Variants in RIMS2 observed in about 807,000 individuals in gnomAD.
RIMS2 encodes the protein regulating synaptic membrane exocytosis protein 2.
RIMS2 carries 59 observed loss-of-function variants against 174.4 expected under a neutral mutation model. That is an observed-to-expected ratio of 0.34 (90% CI 0.27 to 0.42). The LOEUF (loss-of-function observed/expected upper bound fraction) is 0.42, where lower values mean the gene tolerates loss of function less well. Ranked by LOEUF, RIMS2 falls within the 10% of genes least tolerant of loss-of-function variation. The pLI is 1.00. For synonymous variants in RIMS2, 606 were observed against 572.5 expected (o/e 1.06, Z -0.84); for missense variants, 1,620 against 1,666.3 (o/e 0.97, Z 0.48).
rs570354431 is a variant in RIMS2 at position 103,658,547 on chromosome 8, A to G, written c.177-38539A>G. ...CAGGAGTCATTAGCTGTTTTTTTCCAAAGATCATCTGCTTCTGGAAGCTTC... is the reference window on the plus strand; with the variant it reads ...CAGGAGTCATTAGCTGTTTTTTTCCGAAGATCATCTGCTTCTGGAAGCTTC... On this transcript the variant is annotated intron_variant, in intron 1 of 23. Transcript: ENST00000504942. Among the ~76,000 whole-genome samples the G allele has an allele frequency of 6.0e-4, 92 of 152,262 alleles. No homozygotes were observed. In the Middle Eastern group the frequency reaches 0.024, roughly 39 times the overall value.
At chr8:103,551,721 C>T (rs1332988537) in intron 1 of RIMS2, among the ~76,000 whole-genome samples, 1 of 152,176 alleles carries the variant, frequency 6.6e-6, no homozygotes, top group Non-Finnish European at 1.5e-5. Flanking sequence ...AGCCCCAAAT[C>T]TCCTTAAGCT....
intron 4 of RIMS2, among the ~76,000 whole-genome samples, chr8:103,900,441 A>AAGAAT (rs1252621055): frequency 1.3e-5 from 2 of 148,656 alleles, no homozygotes; most frequent in East Asian, 3.9e-4. Context: ...CCAGGCCATT[A>AAGAAT]TAGTAGTTCT....
At chr8:103,521,961 A>G (rs553845466) in intron 1 of RIMS2, among the ~76,000 whole-genome samples, 59 of 151,572 alleles carry the variant, frequency 3.9e-4, no homozygotes, top group African/African-American at 1.4e-3. Flanking sequence ...TCCAATCTCT[A>G]TTAGTTTTGT....
In RIMS2 at chr8:103,792,683, A is replaced by G. The variant is rs1312838671; in HGVS notation, c.698+26146A>G. 1.2e-4 allele frequency among the ~76,000 whole-genome samples: 18 copies of G among 150,084 alleles called. 1 individual carries two copies. In the Admixed American group the frequency reaches 1.2e-3, roughly 10 times the overall value. On this transcript the variant is annotated intron_variant, in intron 3 of 23. Coordinates refer to ENST00000504942, the Ensembl canonical transcript of RIMS2. ...AGATCAACAAAATTGATAGATCGCT[A>G]GCAAGACTAATAAAGAAGAAAAGAG...
chr8:103,572,566 G>GTT lies in RIMS2; in HGVS notation c.176+71513_176+71514dup, dbSNP rs200409402. The stretch of plus-strand genomic sequence containing the variant: ...TCTGCAGCATTGCCAAAATCTGTTT[G>GTT]TTTTTTTTTTCACTTTTTAATAATG... On this transcript the variant is annotated intron_variant, in intron 1 of 23. Coordinates refer to ENST00000504942, the Ensembl canonical transcript of RIMS2. 3.0e-4 allele frequency among the ~76,000 whole-genome samples: 44 copies of GTT among 146,286 alleles called. No individual in the cohort carries two copies. The South Asian group carries it at 5.7e-3, about 19-fold the overall frequency.
intron 12 of RIMS2, among the ~76,000 whole-genome samples, chr8:103,933,277 A>AGGCAGGTGCCTG (rs2080402893): frequency 7.2e-6 from 1 of 139,234 alleles, no homozygotes; most frequent in African/African-American, 2.7e-5. Flanking sequence ...TGGGCAACAG[A>AGGCAGGTGCCTG]TCGAGACTCT....
chr8:103,594,098 A>T (rs969403566), intron 1 of RIMS2, among the ~76,000 whole-genome samples: 2 of 151,678 alleles, frequency 1.3e-5, no homozygotes, highest in Admixed American at 6.6e-5. Context: ...TTTCACGATT[A>T]TTTTTGGGCG....
rs1179910530 is a variant in RIMS2, at chr8:103,867,867, G to A, written c.699-17431G>A. ...GAGGTACCTGCTATTTGCTTTAGTT[G>A]GTATAAAACACTTTCTGGAGATGCC... On this transcript the variant is annotated intron_variant, in intron 3 of 23. Coordinates refer to ENST00000504942, the Ensembl canonical transcript of RIMS2. Among the ~76,000 whole-genome samples, 3 of 151,762 alleles carry A rather than the reference G, an allele frequency of 2.0e-5. No individual in the cohort carries two copies. In the East Asian group the frequency reaches 5.8e-4, roughly 29 times the overall value.
rs189222419 is a variant in RIMS2, at chr8:103,591,875, C to G, written c.176+90813C>G. 7.1e-4 allele frequency among the ~76,000 whole-genome samples: 107 copies of G among 151,038 alleles called. 1 individual carries two copies. Among genetic ancestry groups the G allele is most frequent in the Admixed American group, 4.2e-3 (63 of 15,134 alleles). ...TCTTTCTCAGAGTTGGATTAATATT[C>G]TGTGTTCTTTTGTACTTCCATATAA... On this transcript the variant is annotated intron_variant, in intron 1 of 23. Transcript: ENST00000504942.
chr8:104,111,013 T>A (rs1224878916), intron 19 of RIMS2, among the ~76,000 whole-genome samples: 1 of 152,174 alleles, frequency 6.6e-6, no homozygotes, highest in East Asian at 1.9e-4. Flanking sequence ...AATATTTTTA[T>A]TCTTGTTGAG....
chr8:103,918,442 G>A, exon 9 of RIMS2: 1 of 1,565,324 alleles, frequency 6.4e-7, no homozygotes, highest in Admixed American at 1.9e-5. Flanking sequence ...TCATTTCAGA[G>A]ATATACCGCG....
At chr8:104,157,762 A>T (rs1285239812) in intron 19 of RIMS2, among the ~76,000 whole-genome samples, 1 of 152,194 alleles carries the variant, frequency 6.6e-6, no homozygotes, top group Admixed American at 6.5e-5. Context: ...GGCTATTGTG[A>T]ATAATGCTAC....
At chr8:103,830,025 TTTG>T (rs373170403) in intron 3 of RIMS2, among the ~76,000 whole-genome samples, 133 of 152,284 alleles carry the variant, frequency 8.7e-4, no homozygotes, top group African/African-American at 2.9e-3. Flanking sequence ...AGTTGACTAA[TTTG>T]TTGTTATAAA....
chr8:103,817,238 A>T (rs1268015195), intron 3 of RIMS2, among the ~76,000 whole-genome samples: 1 of 152,090 alleles, frequency 6.6e-6, no homozygotes, highest in Non-Finnish European at 1.5e-5. Flanking sequence ...CATTTGAGAT[A>T]TTTGCTCTAA....
intron 2 of RIMS2, among the ~76,000 whole-genome samples, chr8:103,732,170 C>G (rs1222365625): frequency 6.6e-6 from 1 of 152,210 alleles, no homozygotes; most frequent in Non-Finnish European, 1.5e-5. Flanking sequence ...ACCCCCAGCC[C>G]ATTAATGCTG....
intron 1 of RIMS2, among the ~76,000 whole-genome samples, chr8:103,684,398 A>T (rs955695964): frequency 2.0e-5 from 3 of 152,094 alleles, no homozygotes; most frequent in Non-Finnish European, 2.9e-5. Flanking sequence ...GGTTGATTAA[A>T]TTTTTTTAAG....
chr8:103,860,317 T>C (rs2099051579), intron 3 of RIMS2, among the ~76,000 whole-genome samples: 1 of 152,196 alleles, frequency 6.6e-6, no homozygotes, highest in Non-Finnish European at 1.5e-5. Context: ...CATCTTTTAC[T>C]TAAGTACTCT....
chr8:104,109,305 A>AC (rs2098134819), intron 19 of RIMS2, among the ~76,000 whole-genome samples: 1 of 151,340 alleles, frequency 6.6e-6, no homozygotes, highest in African/African-American at 2.4e-5. Context: ...TCAAAAAAAA[A>AC]AAAAAAAAAA....
At chr8:103,762,971 C>T (rs1261192105) in intron 2 of RIMS2, among the ~76,000 whole-genome samples, 1 of 152,002 alleles carries the variant, frequency 6.6e-6, no homozygotes, top group Non-Finnish European at 1.5e-5. Flanking sequence ...TAGGGAACCA[C>T]CCTTCTATAT....
Sources: allele counts gnomAD v4.1 joint callset (sites outside exome capture counted in the v4.1 genomes callset), GRCh38; gene constraint gnomAD v4.1.1; transcripts MANE v1.5; gene names NCBI Gene and HGNC (gene_info 2026-07-23, HGNC 2026-07-21).